Variants in DPYD observed in about 807,000 individuals in gnomAD.
DPYD encodes dihydropyrimidine dehydrogenase [NADP(+)].
DPYD carries 109 observed loss-of-function variants against 116.2 expected under a neutral mutation model. The observed-to-expected ratio is 0.94, with a 90% CI of 0.80 to 1.10. The LOEUF is 1.10. DPYD is among the 50% of genes least tolerant of loss of function. The pLI, the probability that DPYD is intolerant of heterozygous loss-of-function variation, is 0.00. For synonymous variants in DPYD, 440 were observed against 432.0 expected, an observed-to-expected ratio of 1.02 and a Z score of -0.23; for missense variants, 1,302 against 1,254.5, an observed-to-expected ratio of 1.04 and a Z score of -0.57.
chr1:97,527,347 G>A (rs1649220424), intron 12 of DPYD, among the ~76,000 whole-genome samples: 1 of 152,040 alleles, frequency 6.6e-6, no homozygotes, highest in Non-Finnish European at 1.5e-5. Flanking sequence ...AAAGTGCTGG[G>A]ATTACAGGCG....
At position 97,354,436 on chromosome 1, in the gene DPYD, T is replaced by C. The variant is rs536814499; in HGVS notation, c.2058+19125A>G. Among the ~76,000 whole-genome samples, 102 of 152,206 alleles carry C rather than the reference T, an allele frequency of 6.7e-4. 1 individual carries two copies. The highest frequency in any genetic ancestry group is 1.3e-3 in the Non-Finnish European group (86 of 68,026). On this transcript the variant is annotated intron_variant, in intron 16 of 22. Transcript: ENST00000370192. ...AAAAAATGCTCATTCTTAAACAAAATGATTTTTGAGTTCCAAAGATAAAAT... is the reference window on the plus strand; with the variant it reads ...AAAAAATGCTCATTCTTAAACAAAACGATTTTTGAGTTCCAAAGATAAAAT...
intron 8 of DPYD, among the ~76,000 whole-genome samples, chr1:97,632,225 A>G (rs552748510): frequency 6.6e-6 from 1 of 152,100 alleles, no homozygotes; most frequent in Non-Finnish European, 1.5e-5. Flanking sequence ...TAAATGTTCA[A>G]TGAAACATCC....
At chr1:97,542,951 A>G (rs1650566603) in intron 12 of DPYD, among the ~76,000 whole-genome samples, 1 of 152,166 alleles carries the variant, frequency 6.6e-6, no homozygotes, top group Admixed American at 6.6e-5. Context: ...CCTATTTGCC[A>G]TCTTTTTCCT....
chr1:97,172,571 C>T (rs12134860), intron 20 of DPYD, among the ~76,000 whole-genome samples: 27,130 of 152,136 alleles, frequency 0.18, 2,472 homozygotes, highest in East Asian at 0.29. Flanking sequence ...TTCATTATCC[C>T]TTCCTGGCAG....
chr1:97,545,886 G>C (rs1026019103), intron 12 of DPYD: 1 of 1,069,808 alleles, frequency 9.3e-7, no homozygotes, highest in African/African-American at 1.6e-5. Context: ...CTAATCATAA[G>C]AAGTATAAAA....
intron 4 of DPYD, among the ~76,000 whole-genome samples, chr1:97,733,173 G>A (rs1472301564): frequency 6.6e-6 from 1 of 151,964 alleles, no homozygotes; most frequent in East Asian, 1.9e-4. Context: ...GGAAAATCTT[G>A]GTATTTTTCT....
chr1:97,517,352 T>C (rs1648306401), intron 12 of DPYD, among the ~76,000 whole-genome samples: 1 of 152,034 alleles, frequency 6.6e-6, no homozygotes, highest in Non-Finnish European at 1.5e-5. Flanking sequence ...ATGTAAAATA[T>C]AGGAAATTGG....
chr1:97,862,661 T>C (rs1002774110), intron 2 of DPYD, among the ~76,000 whole-genome samples: 6 of 151,986 alleles, frequency 3.9e-5, no homozygotes, highest in Admixed American at 3.3e-4. Flanking sequence ...CTGACAGTAT[T>C]GTTTAAACAA....
intron 13 of DPYD, among the ~76,000 whole-genome samples, chr1:97,469,993 G>T (rs573948773): frequency 6.6e-6 from 1 of 152,278 alleles, no homozygotes; most frequent in South Asian, 2.1e-4. Flanking sequence ...TAGCTAAATA[G>T]ACTTGAATAT....
At chr1:97,229,128 C>T (rs1234777118) in intron 19 of DPYD, among the ~76,000 whole-genome samples, 6 of 144,568 alleles carry the variant, frequency 4.2e-5, no homozygotes, top group Non-Finnish European at 6.0e-5. Context: ...GGTGTGAACC[C>T]GGGAGGCGGA....
At chr1:97,819,219 T>C (rs1244606487) in intron 3 of DPYD, among the ~76,000 whole-genome samples, 1 of 152,120 alleles carries the variant, frequency 6.6e-6, no homozygotes, top group South Asian at 2.1e-4. Flanking sequence ...GACAAGAGAA[T>C]ACTCTTCTCT....
At chr1:97,693,326 G>C (rs373212735) in intron 6 of DPYD, among the ~76,000 whole-genome samples, 1 of 102,516 alleles carries the variant, frequency 9.8e-6, no homozygotes, top group Non-Finnish European at 2.0e-5. Flanking sequence ...AACCAAAAAA[G>C]AAAATGCAAG....
chr1:97,815,525 A>G (rs1230956446), intron 3 of DPYD, among the ~76,000 whole-genome samples: 1 of 152,226 alleles, frequency 6.6e-6, no homozygotes, highest in Non-Finnish European at 1.5e-5. Context: ...AGTCAATTGA[A>G]GCAAATGCTG....
intron 2 of DPYD, among the ~76,000 whole-genome samples, chr1:97,850,656 T>G (rs1194319282): frequency 2.0e-5 from 3 of 152,040 alleles, no homozygotes; most frequent in African/African-American, 7.2e-5. Flanking sequence ...TGTGCAATCA[T>G]GACAGATAAA....
chr1:97,234,879 A>C lies in DPYD; in HGVS notation c.2415T>G (p.Phe805Leu). ...GIDSAESGLQ[F>L]LHSGASVLQV... ...GGAGGACGGAAGCACCACTATGGAGAAACTGAAGACCACTTTCAGCAGAGT... is the reference window on the plus strand; with the variant it reads ...GGAGGACGGAAGCACCACTATGGAGCAACTGAAGACCACTTTCAGCAGAGT... The change falls in exon 19 of 23, where the codon TTT (phenylalanine) becomes TTG (leucine). Residue 805 changes from phenylalanine (F) to leucine (L), a missense_variant. By Grantham distance (22) the Phe-to-Leu change is conservative (BLOSUM62 0). Coordinates refer to ENST00000370192, the MANE Select transcript of DPYD (RefSeq NM_000110.4). 1 of 1,614,000 alleles carries C rather than the reference A, an allele frequency of 6.2e-7. No individual in the cohort carries two copies.
intron 3 of DPYD, among the ~76,000 whole-genome samples, chr1:97,751,787 G>C (rs1664941996): frequency 7.1e-6 from 1 of 141,390 alleles, no homozygotes; most frequent in Non-Finnish European, 1.5e-5. Flanking sequence ...TTTTTTTTGA[G>C]ATGGAGTTTC....
intron 2 of DPYD, among the ~76,000 whole-genome samples, chr1:97,844,141 A>G (rs1670173771): frequency 6.6e-6 from 1 of 152,234 alleles, no homozygotes; most frequent in African/African-American, 2.4e-5. Flanking sequence ...TAAGGTACAT[A>G]ATGGTAGAAG....
chr1:97,847,501 T>C (rs1670363325), intron 2 of DPYD, among the ~76,000 whole-genome samples: 1 of 152,106 alleles, frequency 6.6e-6, no homozygotes, highest in Admixed American at 6.5e-5. Context: ...TCTAACAAAA[T>C]AACAGAAGGT....
chr1:97,808,364 G>T (rs751449575), intron 3 of DPYD, among the ~76,000 whole-genome samples: 3 of 151,454 alleles, frequency 2.0e-5, no homozygotes, highest in Non-Finnish European at 4.4e-5. Flanking sequence ...TCCTTTTTTG[G>T]TGCTAATTTA....
Sources: allele counts gnomAD v4.1 joint callset (sites outside exome capture counted in the v4.1 genomes callset), GRCh38; gene constraint gnomAD v4.1.1; transcripts MANE v1.5; gene names NCBI Gene and HGNC (gene_info 2026-07-23, HGNC 2026-07-21).